Variants in PALM2AKAP2 observed in about 807,000 individuals in gnomAD.
PALM2AKAP2 encodes the protein PALM2 and AKAP2 fusion.
In PALM2AKAP2, 37 loss-of-function variants were observed where a neutral mutation model predicts 71.5. The observed-to-expected ratio is 0.52, with a 90% CI of 0.40 to 0.68. The LOEUF (loss-of-function observed/expected upper bound fraction) is 0.68. Among genes scored for constraint, PALM2AKAP2 ranks in the 30% least tolerant of loss-of-function variants. PALM2AKAP2 has a pLI of 0.00. For synonymous variants in PALM2AKAP2, 468 were observed against 478.8 expected (o/e 0.98, Z 0.29); for missense variants, 1,224 against 1,191.8 (o/e 1.03, Z -0.40).
intron 7 of PALM2AKAP2, among the ~76,000 whole-genome samples, chr9:110,033,424 C>T (rs1833322192): frequency 6.6e-6 from 1 of 152,160 alleles, no homozygotes; most frequent in African/African-American, 2.4e-5. Context: ...CCCTTCACTC[C>T]CTTTCTTTTT....
In PALM2AKAP2 at chr9:109,991,406, T is replaced by A. The variant is rs139644438; in HGVS notation, c.497-24548T>A. Among the ~76,000 whole-genome samples, 981 of 151,774 alleles carry A rather than the reference T, an allele frequency of 6.5e-3. 8 individuals are homozygous for A. The highest frequency in any genetic ancestry group is 0.022 in the African/African-American group (925 of 41,330). ...CAAGCACCACCACACCCAGCTAATT[T>A]AAATTTTTTTTTTTCAGAGATGGGG... On this transcript the variant is annotated intron_variant, in intron 6 of 9. Coordinates refer to the PALM2AKAP2 transcript ENST00000302798.
intron 6 of PALM2AKAP2, among the ~76,000 whole-genome samples, chr9:109,941,289 A>C (rs1403903256): frequency 6.6e-6 from 1 of 152,058 alleles, no homozygotes; most frequent in African/African-American, 2.4e-5. Context: ...TAGAGCAAGA[A>C]GACAGAAGTG....
intron 1 of PALM2AKAP2, among the ~76,000 whole-genome samples, chr9:110,083,911 G>C (rs1463756354): frequency 6.6e-6 from 1 of 152,212 alleles, no homozygotes; most frequent in South Asian, 2.1e-4. Flanking sequence ...ACTGAGATGA[G>C]GGAGTAAACC....
chr9:109,672,882 A>G (rs1041144897), intron 1 of PALM2AKAP2, among the ~76,000 whole-genome samples: 25 of 151,648 alleles, frequency 1.6e-4, no homozygotes, highest in African/African-American at 5.6e-4. Context: ...ATTTTCTAGT[A>G]TAGGTGCATA....
intron 1 of PALM2AKAP2, among the ~76,000 whole-genome samples, chr9:110,092,716 A>G (rs530666872): frequency 2.0e-5 from 3 of 152,340 alleles, no homozygotes; most frequent in Non-Finnish European, 4.4e-5. Flanking sequence ...TGTGGGATCT[A>G]GAAATTCAAA....
intron 1 of PALM2AKAP2, among the ~76,000 whole-genome samples, chr9:109,712,773 C>T (rs919816359): frequency 2.0e-5 from 3 of 152,166 alleles, no homozygotes; most frequent in Admixed American, 6.5e-5. Context: ...TGTGGCTCCC[C>T]ATTTAGGTGG....
At chr9:109,726,356 G>A (rs1278967926) in intron 1 of PALM2AKAP2, among the ~76,000 whole-genome samples, 1 of 152,224 alleles carries the variant, frequency 6.6e-6, no homozygotes, top group Non-Finnish European at 1.5e-5. Flanking sequence ...GCTCCCGGTG[G>A]AGGCAACCAG....
At chr9:110,148,670 A>T (rs1836237213) in intron 2 of PALM2AKAP2, 1 of 152,248 alleles carries the variant, frequency 6.6e-6, no homozygotes, top group South Asian at 2.1e-4. Flanking sequence ...AAAGGAGGTC[A>T]TTGAAGGAGG....
rs542146840 is a variant in PALM2AKAP2, at chr9:110,085,210, G to A, written c.156+36355G>A. On this transcript the variant is annotated intron_variant, in intron 1 of 3. Transcript: ENST00000374525. ...ATTGTTGTTTTCTGTACTATTAGGC[G>A]CTTTAAACTATGTAACTGTATGTCT... Among the ~76,000 whole-genome samples the A allele has an allele frequency of 7.2e-5, 11 of 152,224 alleles. No homozygotes were observed. In the South Asian group the frequency reaches 2.3e-3, roughly 32 times the overall value.
At chr9:110,010,288 A>G (rs1430770502) in intron 6 of PALM2AKAP2, among the ~76,000 whole-genome samples, 2 of 152,044 alleles carry the variant, frequency 1.3e-5, no homozygotes, top group Non-Finnish European at 2.9e-5. Flanking sequence ...GATTATAGGA[A>G]TAATATAAAT....
chr9:109,905,055 C>T (rs1451643652), intron 3 of PALM2AKAP2, among the ~76,000 whole-genome samples: 1 of 152,140 alleles, frequency 6.6e-6, no homozygotes, highest in East Asian at 1.9e-4. Flanking sequence ...AAAATTCTAC[C>T]CTCACAGAAC....
At chr9:110,080,511 C>T (rs1307437769) in intron 1 of PALM2AKAP2, among the ~76,000 whole-genome samples, 10 of 152,056 alleles carry the variant, frequency 6.6e-5, no homozygotes, top group East Asian at 1.9e-4. Context: ...ATGGGAAACA[C>T]GATGTAAAAT....
At chr9:109,877,212 C>T (rs1829740798) in intron 2 of PALM2AKAP2, among the ~76,000 whole-genome samples, 1 of 152,050 alleles carries the variant, frequency 6.6e-6, no homozygotes, top group Admixed American at 6.6e-5. Context: ...ACATCTTTAG[C>T]ACAGGAAGCA....
At chr9:110,080,472 T>C (rs1389003287) in intron 1 of PALM2AKAP2, among the ~76,000 whole-genome samples, 2 of 152,180 alleles carry the variant, frequency 1.3e-5, no homozygotes, top group East Asian at 1.9e-4. Context: ...ATCAAAACCA[T>C]AGAGGTGTGA....
At chr9:109,681,115 C>G (rs550585840) in intron 1 of PALM2AKAP2, among the ~76,000 whole-genome samples, 1 of 152,286 alleles carries the variant, frequency 6.6e-6, no homozygotes, top group East Asian at 1.9e-4. Context: ...ACATAGTTTT[C>G]TCTCAATAAA....
intron 5 of PALM2AKAP2, among the ~76,000 whole-genome samples, chr9:109,928,534 G>C (rs1389994019): frequency 1.3e-5 from 2 of 152,098 alleles, no homozygotes; most frequent in East Asian, 3.9e-4. Flanking sequence ...TGGCAAGCCT[G>C]TTTGTTACTC....
At chr9:109,687,955 A>G (rs7857855) in intron 1 of PALM2AKAP2, among the ~76,000 whole-genome samples, 24,096 of 152,056 alleles carry the variant, frequency 0.16, 1,981 homozygotes, top group East Asian at 0.28. Context: ...AGGCTTAAGG[A>G]GAGGGAGAGA....
At chr9:110,127,482 C>T (rs1022937945) in intron 1 of PALM2AKAP2, among the ~76,000 whole-genome samples, 10 of 152,108 alleles carry the variant, frequency 6.6e-5, no homozygotes, top group African/African-American at 2.2e-4. Flanking sequence ...AAGCTCTGCT[C>T]GGGGGATGGA....
At chr9:109,896,558 C>T (rs990205407) in intron 3 of PALM2AKAP2, among the ~76,000 whole-genome samples, 20 of 152,182 alleles carry the variant, frequency 1.3e-4, no homozygotes, top group African/African-American at 1.9e-4. Flanking sequence ...TGCCTGTAGT[C>T]CCAGTTTGTT....
Sources: allele counts gnomAD v4.1 joint callset (sites outside exome capture counted in the v4.1 genomes callset), GRCh38; gene constraint gnomAD v4.1.1; transcripts MANE v1.5; gene names NCBI Gene and HGNC (gene_info 2026-07-23, HGNC 2026-07-21).